Variants in ARSG observed in about 807,000 individuals in gnomAD.
The protein encoded by ARSG is arylsulfatase G.
Under a neutral mutation model 50.5 loss-of-function variants are expected in ARSG, and 37 were observed. That is an observed-to-expected ratio of 0.73 (90% CI 0.56 to 0.96). The LOEUF is 0.96. Ranked by LOEUF, ARSG falls within the 50% of genes least tolerant of loss-of-function variation. The pLI, the probability that ARSG is intolerant of heterozygous loss-of-function variation, is 0.00. For missense variants in ARSG, 629 were observed against 675.3 expected, an observed-to-expected ratio of 0.93 and a Z score of 0.76; for synonymous variants, 225 against 254.6, an observed-to-expected ratio of 0.88 and a Z score of 1.11.
chr17:68,319,270 T>C (rs1264006007), intron 2 of ARSG, among the ~76,000 whole-genome samples: 3 of 152,210 alleles, frequency 2.0e-5, no homozygotes, highest in Admixed American at 6.5e-5. Context: ...ACCTTCACCA[T>C]TATCCCCTAG....
intron 11 of ARSG, among the ~76,000 whole-genome samples, chr17:68,403,942 A>G (rs1245597982): frequency 6.6e-6 from 1 of 151,402 alleles, no homozygotes; most frequent in Non-Finnish European, 1.5e-5. Context: ...CCCACCTATG[A>G]GTGAGAACAT....
intron 2 of ARSG, among the ~76,000 whole-genome samples, chr17:68,308,870 C>T (rs35293499): frequency 0.026 from 3,879 of 152,074 alleles, 77 homozygotes; most frequent in Non-Finnish European, 0.035. Context: ...CCCGCACCGG[C>T]GCTGCAGGTG....
the ARSG span, chr17:68,434,500 G>T: frequency 6.3e-6 from 10 of 1,578,034 alleles, no homozygotes; most frequent in South Asian, 1.1e-5. Context: ...AGCTGCCAGC[G>T]GTCCCTGCGG....
At chr17:68,411,680 G>T (rs996049107) in intron 11 of ARSG, among the ~76,000 whole-genome samples, 2 of 148,388 alleles carry the variant, frequency 1.3e-5, no homozygotes, top group African/African-American at 5.1e-5. Flanking sequence ...GGGTATCCTT[G>T]TTGACTTTCT....
chr17:68,306,746 C>T (rs2076624803), intron 1 of ARSG, among the ~76,000 whole-genome samples, 197 bp from the exon 2 acceptor site: 1 of 152,098 alleles, frequency 6.6e-6, no homozygotes, highest in Non-Finnish European at 1.5e-5. Context: ...ATGTTACTTC[C>T]AACCCTGTCG....
chr17:68,298,644 C>T (rs1226058196), intron 1 of ARSG, among the ~76,000 whole-genome samples: 1 of 137,284 alleles, frequency 7.3e-6, no homozygotes, highest in African/African-American at 2.7e-5. Flanking sequence ...AGACTAACAA[C>T]AGAAATTTAC....
At chr17:68,268,596 A>C (rs1159895593) in intron 1 of ARSG, 1 of 152,520 alleles carries the variant, frequency 6.6e-6, no homozygotes, top group East Asian at 1.9e-4. Context: ...AGGAATTTTA[A>C]AAATGATTGA....
At chr17:68,356,423 C>A (rs528062798) in intron 5 of ARSG, among the ~76,000 whole-genome samples, 2 of 152,124 alleles carry the variant, frequency 1.3e-5, no homozygotes, top group African/African-American at 4.8e-5. Flanking sequence ...CCCTAGCTCA[C>A]GAGAGTCTTT....
chr17:68,392,149 G>T (rs996422396), intron 9 of ARSG, among the ~76,000 whole-genome samples: 7 of 152,216 alleles, frequency 4.6e-5, no homozygotes, highest in Admixed American at 1.3e-4. Flanking sequence ...GGCTACCAGG[G>T]CCTCTTTCTT....
chr17:68,374,991 T>C (rs1018787171), intron 8 of ARSG, among the ~76,000 whole-genome samples: 1 of 152,220 alleles, frequency 6.6e-6, no homozygotes, highest in Non-Finnish European at 1.5e-5. Flanking sequence ...TCCTATTTGT[T>C]GAGCACCTAC....
At chr17:68,398,800 A>G (rs2081358106) in intron 10 of ARSG, among the ~76,000 whole-genome samples, 1 of 152,234 alleles carries the variant, frequency 6.6e-6, no homozygotes, top group Admixed American at 6.5e-5. Flanking sequence ...GTGATGTTCG[A>G]AACCACATCA....
intron 11 of ARSG, among the ~76,000 whole-genome samples, chr17:68,408,399 T>G (rs928029807): frequency 9.8e-4 from 148 of 151,724 alleles, no homozygotes; most frequent in Non-Finnish European, 1.8e-3. Context: ...CTTGCAATAG[T>G]TTACTGAGAA....
intron 2 of ARSG, among the ~76,000 whole-genome samples, chr17:68,342,963 G>C (rs1415319594): frequency 3.9e-5 from 6 of 152,284 alleles, no homozygotes; most frequent in African/African-American, 9.6e-5. Flanking sequence ...ATCACCTCAA[G>C]TATTGATTTT....
chr17:68,331,181 C>CTT (rs1306486428), intron 2 of ARSG, among the ~76,000 whole-genome samples: 7 of 23,940 alleles, frequency 2.9e-4, no homozygotes, highest in Admixed American at 4.6e-4. Flanking sequence ...GACAGGGTTT[C>CTT]TTTCTTTCTT....
At position 68,283,747 on chromosome 17, in the gene ARSG, G is replaced by A. The variant is rs1173439094; in HGVS notation, c.-551-23196G>A. Reference sequence around the variant, plus strand: ...TACAAAATTAGCCGGGTGTGGTGGCGCACGCCTGTAATCCCAGCTACACGG... The same window carrying A: ...TACAAAATTAGCCGGGTGTGGTGGCACACGCCTGTAATCCCAGCTACACGG... On this transcript the variant is annotated intron_variant, in intron 1 of 11. Coordinates refer to the ARSG transcript ENST00000448504. Among the ~76,000 whole-genome samples the A allele has an allele frequency of 8.6e-5, 13 of 150,970 alleles. No individual in the cohort carries two copies. The East Asian group carries it at 9.8e-4, about 11-fold the overall frequency.
intron 2 of ARSG, among the ~76,000 whole-genome samples, chr17:68,335,935 G>A (rs1209223536): frequency 6.6e-6 from 1 of 152,162 alleles, no homozygotes; most frequent in East Asian, 1.9e-4. Context: ...GTCTCACTCT[G>A]CCACCCAGGC....
chr17:68,339,212 C>T (rs1465327235), intron 2 of ARSG, among the ~76,000 whole-genome samples: 1 of 152,036 alleles, frequency 6.6e-6, no homozygotes, highest in East Asian at 1.9e-4. Flanking sequence ...GCAGAAGAAT[C>T]GCTTGAACCT....
intron 11 of ARSG, among the ~76,000 whole-genome samples, chr17:68,409,680 G>C (rs1435447481): frequency 6.7e-6 from 1 of 148,592 alleles, no homozygotes; most frequent in Non-Finnish European, 1.5e-5. Context: ...TAGCTTGATG[G>C]GGATGGCATT....
intron 9 of ARSG, among the ~76,000 whole-genome samples, chr17:68,385,477 A>G (rs1338132171): frequency 6.7e-6 from 1 of 149,074 alleles, no homozygotes; most frequent in East Asian, 2.0e-4. Flanking sequence ...ATCCTGGTCA[A>G]CATAGCAAGA....
Sources: gnomAD v4.1 joint callset for allele counts (sites outside exome capture counted in the v4.1 genomes callset) on GRCh38, gnomAD v4.1.1 for gene constraint, MANE v1.5 for transcripts, NCBI Gene and HGNC (gene_info 2026-07-23, HGNC 2026-07-21) for gene names.